PLEKHG1: variants seen among roughly 807,000 people sequenced by gnomAD.
The protein encoded by PLEKHG1 is pleckstrin homology domain-containing family G member 1.
PLEKHG1 carries 44 observed loss-of-function variants against 100.8 expected under a neutral mutation model. The ratio of observed to expected loss-of-function variants is 0.44; its 90% CI spans 0.34 to 0.56. PLEKHG1 has a LOEUF of 0.56. Ranked by LOEUF, PLEKHG1 falls within the 20% of genes least tolerant of loss-of-function variation. The pLI is 0.01. For synonymous variants in PLEKHG1, 640 were observed against 662.5 expected (o/e 0.97, Z 0.52); for missense variants, 1,545 against 1,720.9 (o/e 0.90, Z 1.81).
At chr6:150,720,480 C>G (rs922013374), upstream of PLEKHG1, among the ~76,000 whole-genome samples, 1 of 152,120 alleles carries the variant, frequency 6.6e-6, no homozygotes, top group Non-Finnish European at 1.5e-5. Flanking sequence ...TCTTCAGATA[C>G]GCTTTTTAAA....
At chr6:150,774,123 G>T (rs2128643247) in intron 3 of PLEKHG1, among the ~76,000 whole-genome samples, 1 of 152,266 alleles carries the variant, frequency 6.6e-6, no homozygotes, top group African/African-American at 2.4e-5. Context: ...TGTAGACAAT[G>T]ATGTCTGAAA....
intron 3 of PLEKHG1, among the ~76,000 whole-genome samples, chr6:150,770,847 C>T (rs2128641121): frequency 6.6e-6 from 1 of 152,338 alleles, no homozygotes. Context: ...TGGGAGGCCC[C>T]TGGCCTAGGT....
chr6:150,816,298 AAGG>A (rs1196753609), intron 10 of PLEKHG1, among the ~76,000 whole-genome samples: 2 of 138,508 alleles, frequency 1.4e-5, no homozygotes, highest in East Asian at 4.5e-4. Context: ...TCCAGAATGT[AAGG>A]AGGTTTGAAG....
At chr6:150,839,785 A>G (rs114482997) in intron 15 of PLEKHG1, 48 bp from the exon 17 acceptor site, 8 of 1,129,364 alleles carry the variant, frequency 7.1e-6, no homozygotes, top group African/African-American at 3.1e-5. Context: ...ATCTTCACGT[A>G]TAGGAATTAT....
chr6:150,698,399 A>G (rs572468353), intron 3 of PLEKHG1, among the ~76,000 whole-genome samples: 153 of 152,294 alleles, frequency 1.0e-3, no homozygotes, highest in Middle Eastern at 6.8e-3. Flanking sequence ...AAAGATACCA[A>G]TGTTGATCAC....
chr6:150,801,523 C>T (rs796082254), intron 6 of PLEKHG1, among the ~76,000 whole-genome samples: 6 of 150,846 alleles, frequency 4.0e-5, no homozygotes, highest in African/African-American at 9.8e-5. Context: ...CTGCAACCTC[C>T]GCCTCCTGGG....
chr6:150,705,872 A>G (rs7776166), intron 3 of PLEKHG1, among the ~76,000 whole-genome samples: 121,019 of 152,098 alleles, frequency 0.8, 49,982 homozygotes, highest in Non-Finnish European at 0.91. Flanking sequence ...CTGGGATGGC[A>G]TGCAGGGTAG....
chr6:150,769,584 CAAAAAA>C (rs5880898), intron 3 of PLEKHG1, among the ~76,000 whole-genome samples: 6 of 64,340 alleles, frequency 9.3e-5, no homozygotes, highest in Admixed American at 5.1e-4. Flanking sequence ...GACTCCATCT[CAAAAAA>C]AAAAAAAAAA....
chr6:150,781,505 CA>C (rs1254109697), intron 3 of PLEKHG1, among the ~76,000 whole-genome samples: 15 of 133,152 alleles, frequency 1.1e-4, no homozygotes, highest in Non-Finnish European at 1.1e-4. Flanking sequence ...ATTCCATCTC[CA>C]AAAAAAAAAG....
intron 1 of PLEKHG1, among the ~76,000 whole-genome samples, chr6:150,634,444 T>C (rs1179976281): frequency 6.6e-6 from 1 of 152,128 alleles, no homozygotes; most frequent in Non-Finnish European, 1.5e-5. Flanking sequence ...AGGAGGCACA[T>C]AGTATGCCCT....
At position 150,700,998 on chromosome 6, in the gene PLEKHG1, A is replaced by G. The variant is rs184354584; in HGVS notation, c.-98-32586A>G. Among the ~76,000 whole-genome samples, 23 of 152,272 alleles carry G rather than the reference A, an allele frequency of 1.5e-4. No individual in the cohort carries two copies. In the East Asian group the frequency reaches 4.4e-3, roughly 29 times the overall value. On this transcript the variant is annotated intron_variant, in intron 3 of 3. Transcript: ENST00000367326. ...TTAAAAATGTTCTTAAATACTTGCT[A>G]AAGAAATAAGAAATCACTGGTGTTA...
At chr6:150,752,419 T>C (rs1302764694) in intron 2 of PLEKHG1, among the ~76,000 whole-genome samples, 1 of 152,030 alleles carries the variant, frequency 6.6e-6, no homozygotes, top group Non-Finnish European at 1.5e-5. Flanking sequence ...ACACAGAAAC[T>C]CTGTACCTGT....
intron 1 of PLEKHG1, among the ~76,000 whole-genome samples, chr6:150,629,311 T>A (rs901652606): frequency 1.3e-5 from 2 of 152,180 alleles, no homozygotes; most frequent in African/African-American, 4.8e-5. Flanking sequence ...GCGGCAACAT[T>A]TAAACCTAAA....
intron 13 of PLEKHG1, among the ~76,000 whole-genome samples, chr6:150,822,295 A>G (rs1017280040): frequency 3.9e-5 from 6 of 152,334 alleles, no homozygotes; most frequent in Middle Eastern, 3.4e-3. Flanking sequence ...GGAAAAAACT[A>G]TGAACGTGGC....
chr6:150,634,904 C>T (rs1777926907), intron 1 of PLEKHG1, among the ~76,000 whole-genome samples: 1 of 152,182 alleles, frequency 6.6e-6, no homozygotes, highest in Admixed American at 6.5e-5. Context: ...TAGGAATTTA[C>T]AGGATGTTAT....
chr6:150,840,461 A>G (rs202103817), exon 16 of PLEKHG1: 51 of 1,614,118 alleles, frequency 3.2e-5, no homozygotes, highest in East Asian at 3.1e-4. Context: ...CAGATCTCAC[A>G]CTCCAAGACT....
chr6:150,837,555 T>C (rs1777294742), intron 15 of PLEKHG1, among the ~76,000 whole-genome samples: 1 of 152,264 alleles, frequency 6.6e-6, no homozygotes, highest in Non-Finnish European at 1.5e-5. Context: ...TTCTACTACA[T>C]TTTCCAAAAT....
chr6:150,681,280 G>A (rs905340104), intron 3 of PLEKHG1, among the ~76,000 whole-genome samples: 8 of 152,164 alleles, frequency 5.3e-5, no homozygotes, highest in Non-Finnish European at 7.4e-5. Flanking sequence ...CCAGCACTTC[G>A]GGAGGCTGAG....
chr6:150,840,626 C>T (rs2128695063), exon 16 of PLEKHG1: 1 of 1,614,222 alleles, frequency 6.2e-7, no homozygotes, highest in Non-Finnish European at 8.5e-7. Flanking sequence ...AGCTATCTCA[C>T]AATCGTAGAA....
Sources: allele counts gnomAD v4.1 joint callset (sites outside exome capture counted in the v4.1 genomes callset), GRCh38; gene constraint gnomAD v4.1.1; transcripts MANE v1.5; gene names NCBI Gene and HGNC (gene_info 2026-07-23, HGNC 2026-07-21).